Variants in SUMF1 observed in about 807,000 individuals in gnomAD.
The protein encoded by SUMF1 is formylglycine-generating enzyme.
A neutral mutation model predicts 47.6 loss-of-function variants in SUMF1; 48 were observed. The observed-to-expected ratio is 1.01, with a 90% CI of 0.80 to 1.28. The LOEUF (loss-of-function observed/expected upper bound fraction) is 1.28, where lower values mean the gene tolerates loss of function less well. SUMF1 is among the 50% of genes most tolerant of loss of function. SUMF1 has a pLI of 0.00. For missense variants in SUMF1, 571 were observed against 485.4 expected, an observed-to-expected ratio of 1.18 and a Z score of -1.66; for synonymous variants, 230 against 192.1, an observed-to-expected ratio of 1.20 and a Z score of -1.63.
chr3:4,424,283 T>G (rs1002040819), intron 3 of SUMF1, among the ~76,000 whole-genome samples: 1 of 152,186 alleles, frequency 6.6e-6, no homozygotes, highest in African/African-American at 2.4e-5. Flanking sequence ...TCTCTCATTC[T>G]AGACACCCGC....
chr3:4,106,211 G>C (rs1263340553), intron 8 of SUMF1, among the ~76,000 whole-genome samples: 3 of 151,956 alleles, frequency 2.0e-5, no homozygotes, highest in Admixed American at 6.6e-5. Context: ...TTATTTTTGA[G>C]GTTTAGGCTA....
downstream of SUMF1, among the ~76,000 whole-genome samples, chr3:4,359,616 C>T (rs1306026795): frequency 6.6e-6 from 1 of 151,678 alleles, no homozygotes; most frequent in Non-Finnish European, 1.5e-5. Flanking sequence ...GTGGAAGGCA[C>T]CTCTTCACAG....
intron 8 of SUMF1, among the ~76,000 whole-genome samples, chr3:4,375,067 T>C (rs768611221): frequency 1.6e-4 from 22 of 137,534 alleles, no homozygotes; most frequent in Non-Finnish European, 2.7e-4. Context: ...GCCCAGGAGG[T>C]CGGGGCTGTA....
intron 7 of SUMF1, among the ~76,000 whole-genome samples, chr3:4,397,398 G>A (rs1701073877): frequency 6.6e-6 from 1 of 152,150 alleles, no homozygotes; most frequent in Admixed American, 6.5e-5. Context: ...GCCGCATATG[G>A]TTCTAAGTAT....
chr3:4,042,992 C>G (rs1031505934), intron 9 of SUMF1, among the ~76,000 whole-genome samples: 1 of 152,130 alleles, frequency 6.6e-6, no homozygotes, highest in African/African-American at 2.4e-5. Context: ...CACAGGAGCT[C>G]CTGTCTCCTC....
At chr3:4,057,446 C>T (rs1385600500) in intron 9 of SUMF1, among the ~76,000 whole-genome samples, 1 of 152,018 alleles carries the variant, frequency 6.6e-6, no homozygotes, top group African/African-American at 2.4e-5. Flanking sequence ...ATGGGTAAAT[C>T]GAAAACCAAA....
intron 8 of SUMF1, among the ~76,000 whole-genome samples, chr3:4,325,193 G>A (rs1014319839): frequency 6.6e-6 from 1 of 152,072 alleles, no homozygotes; most frequent in African/African-American, 2.4e-5. Flanking sequence ...TTTGGGTAGG[G>A]ACACAGCCAA....
At chr3:4,260,827 C>T (rs550112891) in intron 8 of SUMF1, among the ~76,000 whole-genome samples, 7 of 152,188 alleles carry the variant, frequency 4.6e-5, no homozygotes, top group South Asian at 4.2e-4. Context: ...TCCATATGTG[C>T]GTGTCCTAAT....
At chr3:4,228,009 A>T (rs1696211731) in intron 8 of SUMF1, among the ~76,000 whole-genome samples, 1 of 152,136 alleles carries the variant, frequency 6.6e-6, no homozygotes, top group African/African-American at 2.4e-5. Flanking sequence ...GGTTACAGAA[A>T]GAGAACACAA....
intron 7 of SUMF1, among the ~76,000 whole-genome samples, chr3:4,407,556 G>A (rs1404127731): frequency 6.6e-6 from 1 of 152,130 alleles, no homozygotes; most frequent in East Asian, 1.9e-4. Flanking sequence ...CATATATCTG[G>A]AATTGGTATT....
chr3:4,189,356 G>A (rs1036754377), intron 8 of SUMF1, among the ~76,000 whole-genome samples: 4 of 152,122 alleles, frequency 2.6e-5, no homozygotes, highest in African/African-American at 7.2e-5. Context: ...GGCAAAGTTG[G>A]TGAATGCCTT....
At chr3:4,124,981 T>C (rs1041389579) in intron 8 of SUMF1, among the ~76,000 whole-genome samples, 6 of 152,130 alleles carry the variant, frequency 3.9e-5, no homozygotes, top group Non-Finnish European at 8.8e-5. Flanking sequence ...AGCTATGTGA[T>C]TCCAATCAAA....
intron 8 of SUMF1, among the ~76,000 whole-genome samples, chr3:4,079,413 A>G (rs1237221301): frequency 6.6e-6 from 1 of 151,968 alleles, no homozygotes; most frequent in Admixed American, 6.6e-5. Flanking sequence ...TTTGGAGTTT[A>G]CTGAAATAAG....
chr3:4,186,690 A>T (rs1695207941), intron 8 of SUMF1, among the ~76,000 whole-genome samples: 1 of 152,178 alleles, frequency 6.6e-6, no homozygotes, highest in African/African-American at 2.4e-5. Flanking sequence ...TTTGGCTTGC[A>T]TACTAACTAC....
chr3:4,154,443 C>T (rs1339351301), intron 8 of SUMF1, among the ~76,000 whole-genome samples: 3 of 151,580 alleles, frequency 2.0e-5, no homozygotes, highest in Non-Finnish European at 4.4e-5. Context: ...TTATTGGGCA[C>T]CAACTATGTT....
At chr3:4,268,600 A>G (rs913620490) in intron 8 of SUMF1, among the ~76,000 whole-genome samples, 4 of 150,812 alleles carry the variant, frequency 2.7e-5, no homozygotes, top group Admixed American at 2.6e-4. Context: ...ACTCAGAAAC[A>G]TACTTCTATT....
intron 8 of SUMF1, among the ~76,000 whole-genome samples, chr3:4,157,040 C>A (rs958915411): frequency 2.0e-5 from 3 of 151,564 alleles, no homozygotes; most frequent in African/African-American, 4.9e-5. Context: ...CCTATAGGAT[C>A]ATTCAGTGTC....
chr3:4,218,353 A>C (rs1159649526), intron 8 of SUMF1, among the ~76,000 whole-genome samples: 1 of 152,200 alleles, frequency 6.6e-6, no homozygotes, highest in Non-Finnish European at 1.5e-5. Context: ...TGACAAATTT[A>C]GGTGGTGGGG....
At chr3:4,291,762 C>CA (rs1697747482) in intron 8 of SUMF1, among the ~76,000 whole-genome samples, 1 of 151,960 alleles carries the variant, frequency 6.6e-6, no homozygotes, top group African/African-American at 2.4e-5. Flanking sequence ...AACAGGGAAG[C>CA]AAAAAAATGT....
Sources: gnomAD v4.1 joint callset for allele counts (sites outside exome capture counted in the v4.1 genomes callset) on GRCh38, gnomAD v4.1.1 for gene constraint, MANE v1.5 for transcripts, NCBI Gene and HGNC (gene_info 2026-07-23, HGNC 2026-07-21) for gene names.